The following SEC63 variants were observed in gnomAD, a reference collection of about 807,000 sequenced individuals.
SEC63 encodes the protein translocation protein SEC63 homolog.
SEC63 carries 56 observed loss-of-function variants against 116.2 expected under a neutral mutation model. The ratio of observed to expected loss-of-function variants is 0.48; its 90% CI spans 0.39 to 0.60. SEC63 has a LOEUF of 0.60. Ranked by LOEUF, SEC63 falls within the 20% of genes least tolerant of loss-of-function variation. The pLI, the probability that SEC63 is intolerant of heterozygous loss-of-function variation, is 0.00. For synonymous variants in SEC63, 273 were observed against 294.6 expected, an observed-to-expected ratio of 0.93 and a Z score of 0.75; for missense variants, 668 against 900.0, an observed-to-expected ratio of 0.74 and a Z score of 3.30.
intron 1 of SEC63, chr6:107,929,996 A>G (rs1412740093): frequency 6.1e-6 from 1 of 164,424 alleles, no homozygotes; most frequent in African/African-American, 2.4e-5. Context: ...AAGATATAAA[A>G]CTAGTAAGAT....
chr6:107,928,813 G>A (rs1290303546), intron 2 of SEC63, among the ~76,000 whole-genome samples: 1 of 152,132 alleles, frequency 6.6e-6, no homozygotes, highest in Non-Finnish European at 1.5e-5. Context: ...TAGCCTCACA[G>A]GATTAAACTG....
At chr6:107,889,886 C>T (rs945850851) in intron 16 of SEC63, among the ~76,000 whole-genome samples, 4 of 152,166 alleles carry the variant, frequency 2.6e-5, no homozygotes, top group Non-Finnish European at 4.4e-5. Flanking sequence ...TGTAGTTGTG[C>T]AGTTCTGAGC....
intron 3 of SEC63, among the ~76,000 whole-genome samples, chr6:107,922,995 T>TAA (rs1170007380): frequency 4.8e-5 from 7 of 145,748 alleles, no homozygotes; most frequent in African/African-American, 1.7e-4. Context: ...TCATTTTCTT[T>TAA]AAAAAAAAAA....
intron 1 of SEC63, among the ~76,000 whole-genome samples, chr6:107,953,954 G>A (rs536874418): frequency 4.7e-4 from 72 of 152,212 alleles, no homozygotes; most frequent in African/African-American, 1.6e-3. Flanking sequence ...CCACCACCCC[G>A]TCTGGGAGGT....
intron 18 of SEC63, among the ~76,000 whole-genome samples, chr6:107,877,787 T>C (rs1786316245): frequency 6.6e-6 from 1 of 152,174 alleles, no homozygotes; most frequent in Non-Finnish European, 1.5e-5. Context: ...ATTTTAACTA[T>C]AAAAATAGAT....
At chr6:107,903,126 T>C (rs1033036596) in intron 11 of SEC63, 128 bp from the exon 12 acceptor site, 7 of 966,676 alleles carry the variant, frequency 7.2e-6, no homozygotes, top group Admixed American at 6.2e-5. Context: ...ATAGTAAGAT[T>C]TTCCTTTAAA....
intron 6 of SEC63, among the ~76,000 whole-genome samples, chr6:107,911,637 T>C (rs1787286404): frequency 6.6e-6 from 1 of 152,194 alleles, no homozygotes; most frequent in South Asian, 2.1e-4. Context: ...GCTAGCAAAT[T>C]GCACAGCCAG....
In SEC63 at chr6:107,902,935, G is replaced by A. The variant is rs754931654; in HGVS notation, c.1118C>T (p.Ala373Val). The A allele has an allele frequency of 1.2e-6, 2 of 1,613,744 alleles. No homozygotes were observed. The highest frequency in any genetic ancestry group is 2.2e-5 in the South Asian group (2 of 91,072). The change falls in exon 12 of 21, where the codon GCC (alanine) becomes GTC (valine). Residue 373 changes from alanine (A) to valine (V), a missense_variant. Transcript: ENST00000369002. The part of the protein sequence containing the change: ...LENCMKLSQM[A>V]VQGLQQFKSP... ...CTTAAATTGCTGAAGTCCCTGAACG[G>A]CCATCTGAGAAAGCTTCATGCAGTT...
At chr6:107,888,127 A>T (rs541896911) in intron 16 of SEC63, among the ~76,000 whole-genome samples, 1 of 152,270 alleles carries the variant, frequency 6.6e-6, no homozygotes, top group Non-Finnish European at 1.5e-5. Context: ...CAATTCTGTG[A>T]AGAAAGTCAA....
chr6:107,951,680 G>C (rs867497289), intron 1 of SEC63, among the ~76,000 whole-genome samples: 1 of 152,142 alleles, frequency 6.6e-6, no homozygotes, highest in African/African-American at 2.4e-5. Context: ...GGGTACAAGT[G>C]TTTTAAAAAG....
At chr6:107,885,727 A>T (rs1011874578) in intron 16 of SEC63, among the ~76,000 whole-genome samples, 3 of 152,212 alleles carry the variant, frequency 2.0e-5, no homozygotes, top group Admixed American at 1.3e-4. Context: ...GAGTTGGAGC[A>T]CTTACACTAC....
intron 4 of SEC63, among the ~76,000 whole-genome samples, chr6:107,917,404 G>A (rs895545280): frequency 2.0e-5 from 3 of 151,818 alleles, no homozygotes; most frequent in Admixed American, 6.6e-5. Flanking sequence ...CTCTAGGGCC[G>A]CTGGGTTAGG....
rs768615942 is a variant in SEC63, at chr6:107,881,189, G to T, written c.1895C>A (p.Ser632Ter). Residue 632 changes from serine (S) to a stop codon, truncating the protein, a stop_gained, in exon 18 of 21, where the codon TCA becomes TAA. Transcript: ENST00000369002. LOFTEE classifies it high-confidence loss of function. ...GCTATACACAGGATGTGTTATTTTT[G>T]ATTTGGTTTCCAATAGAGCTCTCTC... The part of the protein sequence containing the change: ...RKERALLETK[S>*]KITHPVYSLY... 3.7e-6 allele frequency: 6 copies of T among 1,612,858 alleles called. No individual in the cohort carries two copies. The highest frequency in any genetic ancestry group is 1.1e-5 in the South Asian group (1 of 91,026).
At chr6:107,878,945 A>C (rs1473558922) in intron 18 of SEC63, among the ~76,000 whole-genome samples, 1 of 36,046 alleles carries the variant, frequency 2.8e-5, no homozygotes, top group Non-Finnish European at 5.7e-5. Flanking sequence ...TTAAAAGTGA[A>C]ACAGATTTCT....
At chr6:107,880,184 AAAC>A (rs1485034042) in intron 18 of SEC63, among the ~76,000 whole-genome samples, 1 of 152,248 alleles carries the variant, frequency 6.6e-6, no homozygotes, top group African/African-American at 2.4e-5. Flanking sequence ...CTCCAAGTCA[AAAC>A]AACAGTCTGT....
chr6:107,924,795 C>T (rs1161732123), intron 3 of SEC63, 23 bp downstream of exon 3: 1 of 1,042,698 alleles, frequency 9.6e-7, no homozygotes, highest in Middle Eastern at 2.1e-4. Flanking sequence ...AACTAATATG[C>T]ATTATATAAA....
In SEC63 at chr6:107,876,679, A is replaced by C; in HGVS notation, c.1936-17T>G. 1 of 1,498,498 alleles carries C rather than the reference A, an allele frequency of 6.7e-7. No homozygotes were observed. Among genetic ancestry groups the C allele is most frequent in the Non-Finnish European group, 9.2e-7 (1 of 1,091,748 alleles). The allele number at this position is 1,498,498 out of a possible 1,614,324, so 92.8% of individuals were successfully genotyped here. ...TTGTTTTTCCTGGAAACAAAAAAAA[A>C]AAAAAAAAAAGAAGAGGGGTATAAA... On this transcript the variant is annotated splice_polypyrimidine_tract_variant and intron_variant, in intron 18 of 20. Transcript: ENST00000369002.
In SEC63 at chr6:107,885,424, A is replaced by G. The variant is rs559928157; in HGVS notation, c.1675-2278T>C. On this transcript the variant is annotated intron_variant, in intron 16 of 20. Transcript: ENST00000369002. ...AGTAATACCAGAAAGGATCAAATAC[A>G]TAGGAGTAAATCTAACGAAAGATGT... Among the ~76,000 whole-genome samples the G allele has an allele frequency of 3.9e-5, 6 of 152,344 alleles. No homozygotes were observed. The South Asian group carries it at 1.0e-3, about 26-fold the overall frequency.
In SEC63 at chr6:107,925,795, G is replaced by A. The variant is rs146409271; in HGVS notation, c.225-863C>T. Among the ~76,000 whole-genome samples, 558 of 152,312 alleles carry A rather than the reference G, an allele frequency of 3.7e-3. 26 individuals are homozygous for A. The East Asian group carries it at 0.062, about 17-fold the overall frequency. On this transcript the variant is annotated intron_variant, in intron 2 of 20. Transcript: ENST00000369002. ...TAAGTCTAAAATGGCGGTCACAGAT[G>A]TAAATAAGAGAAAGTATTTCACTGT...
Sources: gnomAD v4.1 joint callset for allele counts (sites outside exome capture counted in the v4.1 genomes callset) on GRCh38, gnomAD v4.1.1 for gene constraint, MANE v1.5 for transcripts, NCBI Gene and HGNC (gene_info 2026-07-23, HGNC 2026-07-21) for gene names.